The following CDH18 variants were observed in gnomAD, a reference collection of about 807,000 sequenced individuals.
CDH18 encodes the protein cadherin-18.
Under a neutral mutation model 67.9 loss-of-function variants are expected in CDH18, and 31 were observed. The observed-to-expected ratio is 0.46, with a 90% CI of 0.34 to 0.62. The LOEUF is 0.62. Ranked by LOEUF, CDH18 falls within the 20% of genes least tolerant of loss-of-function variation. CDH18 has a pLI of 0.01. For synonymous variants in CDH18, 362 were observed against 347.2 expected (o/e 1.04, Z -0.48); for missense variants, 890 against 975.5 (o/e 0.91, Z 1.17).
At chr5:19,684,242 A>G (rs554497056) in intron 5 of CDH18, among the ~76,000 whole-genome samples, 1 of 152,120 alleles carries the variant, frequency 6.6e-6, no homozygotes, top group South Asian at 2.1e-4. Context: ...TTTCACACAA[A>G]TATCTATTAA....
intron 2 of CDH18, among the ~76,000 whole-genome samples, chr5:19,855,268 T>C (rs981134067): frequency 1.3e-5 from 2 of 152,058 alleles, no homozygotes; most frequent in African/African-American, 4.8e-5. Context: ...CGGGTACCAA[T>C]GATTCACAGA....
intron 2 of CDH18, among the ~76,000 whole-genome samples, chr5:19,874,117 A>G (rs1786663781): frequency 6.6e-6 from 1 of 152,206 alleles, no homozygotes; most frequent in African/African-American, 2.4e-5. Context: ...TTATTTTAAA[A>G]TATTAAAGCA....
chr5:20,152,001 T>C (rs889156486), intron 2 of CDH18, among the ~76,000 whole-genome samples: 2 of 150,752 alleles, frequency 1.3e-5, no homozygotes, highest in African/African-American at 4.8e-5. Flanking sequence ...ATTCAGTGTG[T>C]AGAACTAGAA....
chr5:20,393,794 A>C (rs930290961), intron 1 of CDH18, among the ~76,000 whole-genome samples: 2 of 151,948 alleles, frequency 1.3e-5, no homozygotes, highest in Non-Finnish European at 2.9e-5. Context: ...AATACAATAC[A>C]ATACAATACA....
At chr5:19,688,972 G>A (rs886849081) in intron 5 of CDH18, among the ~76,000 whole-genome samples, 3 of 151,944 alleles carry the variant, frequency 2.0e-5, no homozygotes, top group Non-Finnish European at 4.4e-5. Flanking sequence ...GACAGTTTTT[G>A]AAATAACCCA....
chr5:20,456,828 T>TA (rs1327281308), intron 1 of CDH18, among the ~76,000 whole-genome samples: 1 of 152,146 alleles, frequency 6.6e-6, no homozygotes, highest in African/African-American at 2.4e-5. Context: ...AGATTTTTTG[T>TA]AGTAGAGAAG....
chr5:20,472,814 A>C (rs948434631), intron 1 of CDH18, among the ~76,000 whole-genome samples: 3 of 152,206 alleles, frequency 2.0e-5, no homozygotes, highest in Non-Finnish European at 4.4e-5. Context: ...ACAATGCCAG[A>C]TCTTTGATAA....
At chr5:20,084,492 G>A (rs1446781648) in intron 2 of CDH18, among the ~76,000 whole-genome samples, 2 of 152,134 alleles carry the variant, frequency 1.3e-5, no homozygotes, top group Non-Finnish European at 2.9e-5. Context: ...GGGTCTGGAG[G>A]AGAGTGACCC....
chr5:19,897,969 C>T (rs191125518), intron 2 of CDH18, among the ~76,000 whole-genome samples: 46 of 152,136 alleles, frequency 3.0e-4, no homozygotes, highest in Non-Finnish European at 5.0e-4. Context: ...TGAGTTCACT[C>T]CATGAAAAGT....
intron 9 of CDH18, among the ~76,000 whole-genome samples, chr5:19,533,179 C>A (rs1748911584): frequency 6.6e-6 from 1 of 152,074 alleles, no homozygotes; most frequent in Admixed American, 6.6e-5. Flanking sequence ...AAACAGCATG[C>A]AGAAAGAAGA....
intron 2 of CDH18, among the ~76,000 whole-genome samples, chr5:20,247,619 C>G (rs1421979667): frequency 6.6e-6 from 1 of 151,878 alleles, no homozygotes; most frequent in African/African-American, 2.4e-5. Flanking sequence ...GAAAAATTAG[C>G]TGGGCATGGT....
Position 19,831,072 on chromosome 5 carries a change from G to C in CDH18, c.228+7687C>G, listed in dbSNP as rs75439264. ...TGAAAGGAGGATGAGGATTGAAAAA[G>C]TACCTATCAGGTACTATGCTTATTA... On this transcript the variant is annotated intron_variant, in intron 3 of 12. Coordinates refer to ENST00000382275, the MANE Select transcript of CDH18 (RefSeq NM_004934.5). 2.6e-5 allele frequency among the ~76,000 whole-genome samples: 4 copies of C among 152,152 alleles called. No individual in the cohort carries two copies. The East Asian group carries it at 7.7e-4, about 29-fold the overall frequency.
At chr5:20,284,438 C>A (rs1429318025) in intron 1 of CDH18, among the ~76,000 whole-genome samples, 2 of 151,914 alleles carry the variant, frequency 1.3e-5, no homozygotes, top group African/African-American at 4.8e-5. Flanking sequence ...TGGGCTTATA[C>A]AGTTTTTCTA....
chr5:20,459,214 G>A (rs1311639588), intron 1 of CDH18, among the ~76,000 whole-genome samples: 1 of 152,198 alleles, frequency 6.6e-6, no homozygotes, highest in Non-Finnish European at 1.5e-5. Context: ...GGATCAGCTT[G>A]CATGGAATAG....
At chr5:20,238,620 T>C (rs149106328) in intron 2 of CDH18, among the ~76,000 whole-genome samples, 11 of 152,128 alleles carry the variant, frequency 7.2e-5, no homozygotes, top group Non-Finnish European at 1.2e-4. Context: ...TGTAAAATGG[T>C]ATATTCACTT....
chr5:20,259,003 C>T (rs1744449154), intron 1 of CDH18, among the ~76,000 whole-genome samples: 1 of 152,130 alleles, frequency 6.6e-6, no homozygotes, highest in South Asian at 2.1e-4. Context: ...GATACTTTAT[C>T]ACCCACAACA....
rs1478945673 is a variant in CDH18, at chr5:19,562,477, C to T, written c.1253+9102G>A. ...AAAAAACAAAAAGAAGTGAATGCTT[C>T]CAGTGTATTCACTGTACCATTATTT... On this transcript the variant is annotated intron_variant, in intron 8 of 12. Coordinates refer to ENST00000382275, the MANE Select transcript of CDH18 (RefSeq NM_004934.5). 2.0e-5 allele frequency among the ~76,000 whole-genome samples: 3 copies of T among 152,210 alleles called. No individual in the cohort carries two copies. The East Asian group carries it at 5.8e-4, about 29-fold the overall frequency.
chr5:19,687,122 C>T (rs984476273), intron 5 of CDH18, among the ~76,000 whole-genome samples: 2 of 152,162 alleles, frequency 1.3e-5, no homozygotes, highest in African/African-American at 4.8e-5. Context: ...AAAGGCTCCC[C>T]ACTGTGTGGA....
chr5:19,572,562 A>C (rs918394615), intron 7 of CDH18, among the ~76,000 whole-genome samples: 2 of 152,194 alleles, frequency 1.3e-5, no homozygotes, highest in East Asian at 3.9e-4. Context: ...GCCAACATCA[A>C]CGTTCCTTTC....
Sources: gnomAD v4.1 joint callset for allele counts (sites outside exome capture counted in the v4.1 genomes callset) on GRCh38, gnomAD v4.1.1 for gene constraint, MANE v1.5 for transcripts, NCBI Gene and HGNC (gene_info 2026-07-23, HGNC 2026-07-21) for gene names.